Variants in DDAH1 observed in about 807,000 individuals in gnomAD.
DDAH1 encodes N(G),N(G)-dimethylarginine dimethylaminohydrolase 1.
DDAH1 carries 19 observed loss-of-function variants against 28.8 expected under a neutral mutation model. The observed-to-expected ratio is 0.66, with a 90% CI of 0.46 to 0.97. The LOEUF is 0.97. DDAH1 is among the 50% of genes least tolerant of loss of function. The pLI is 0.00. For missense variants in DDAH1, 326 were observed against 375.9 expected (o/e 0.87, Z 1.10); for synonymous variants, 153 against 154.4 (o/e 0.99, Z 0.07).
At chr1:85,575,448 C>T (rs1659575085) in intron 1 of DDAH1, among the ~76,000 whole-genome samples, 1 of 152,186 alleles carries the variant, frequency 6.6e-6, no homozygotes, top group Admixed American at 6.5e-5. Context: ...AGGTCCTAAA[C>T]ATCTTCCCCA....
upstream of DDAH1, chr1:85,465,245 C>G: frequency 9.2e-7 from 1 of 1,089,166 alleles, no homozygotes; most frequent in Non-Finnish European, 1.1e-6. Flanking sequence ...CCGCGCGCAT[C>G]CCGCGCGCCC....
intron 1 of DDAH1, among the ~76,000 whole-genome samples, chr1:85,376,464 A>G (rs1650671059): frequency 6.6e-6 from 1 of 152,178 alleles, no homozygotes; most frequent in Admixed American, 6.6e-5. Flanking sequence ...TTTAAATTCT[A>G]TATCCATCTT....
intron 1 of DDAH1, among the ~76,000 whole-genome samples, chr1:85,426,097 ATAACAGTG>A (rs1653383107): frequency 6.6e-6 from 1 of 152,188 alleles, no homozygotes; most frequent in South Asian, 2.1e-4. Context: ...CGTAACACTT[ATAACAGTG>A]TCACAAAATG....
intron 1 of DDAH1, among the ~76,000 whole-genome samples, chr1:85,443,361 G>C (rs1421079285): frequency 2.0e-5 from 3 of 152,002 alleles, no homozygotes; most frequent in Non-Finnish European, 2.9e-5. Flanking sequence ...ATTTCTGAGG[G>C]CTCTGTTCTG....
At chr1:85,494,014 C>G (rs1317895972) in intron 2 of DDAH1, 1 of 152,186 alleles carries the variant, frequency 6.6e-6, no homozygotes, top group African/African-American at 2.4e-5. Flanking sequence ...TTTTGGGATG[C>G]AACCAGGCTG....
intron 1 of DDAH1, among the ~76,000 whole-genome samples, chr1:85,431,863 C>G (rs1356844059): frequency 6.6e-6 from 1 of 152,166 alleles, no homozygotes; most frequent in Non-Finnish European, 1.5e-5. Flanking sequence ...ATTTCTCACA[C>G]ATGAAGTTGC....
intron 1 of DDAH1, among the ~76,000 whole-genome samples, chr1:85,382,086 A>G (rs1173166069): frequency 6.6e-6 from 1 of 152,218 alleles, no homozygotes; most frequent in Admixed American, 6.5e-5. Context: ...TATGAAGCTT[A>G]GTGAGGAAGG....
intron 4 of DDAH1, among the ~76,000 whole-genome samples, chr1:85,330,916 C>G (rs1005730787): frequency 1.3e-5 from 2 of 152,168 alleles, no homozygotes; most frequent in Non-Finnish European, 2.9e-5. Flanking sequence ...AGTATGCTAG[C>G]AGTAAAAAGA....
intron 4 of DDAH1, among the ~76,000 whole-genome samples, chr1:85,343,620 CTA>C (rs1491531471): frequency 6.6e-6 from 1 of 152,228 alleles, no homozygotes; most frequent in Admixed American, 6.5e-5. Context: ...TGGCTACACA[CTA>C]TAATTCCCTG....
rs7539133 is a variant in DDAH1 at position 85,557,873 on chromosome 1, C to T, written c.-123+20111G>A. On this transcript the variant is annotated intron_variant, in intron 1 of 6. Transcript: ENST00000426972. ...GTCACCTGCAAGCCAAGAAGAGAGG[C>T]CTCAGAAGAAACCAACTCTGCTGAT... 9.6e-3 allele frequency among the ~76,000 whole-genome samples: 1,451 copies of T among 151,542 alleles called. 47 individuals are homozygous for T. Among genetic ancestry groups the T allele is most frequent in the East Asian group, 0.056 (291 of 5,176 alleles).
At chr1:85,358,726 G>T in intron 2 of DDAH1, 22 bp downstream of exon 2, 3 of 1,477,122 alleles carry the variant, frequency 2.0e-6, no homozygotes, top group Non-Finnish European at 1.9e-6. Flanking sequence ...TTCTTGGATA[G>T]AAAAAATAAA....
chr1:85,550,870 C>T (rs933821462), intron 1 of DDAH1, among the ~76,000 whole-genome samples: 1 of 152,176 alleles, frequency 6.6e-6, no homozygotes, highest in African/African-American at 2.4e-5. Flanking sequence ...CAACAACTTG[C>T]TAGCACTGAC....
chr1:85,445,451 A>C (rs913598780), intron 1 of DDAH1, among the ~76,000 whole-genome samples: 1 of 152,222 alleles, frequency 6.6e-6, no homozygotes, highest in Non-Finnish European at 1.5e-5. Flanking sequence ...AAATCTTGAC[A>C]AATGTGAATC....
At chr1:85,496,711 C>G (rs1656607579) in intron 1 of DDAH1, among the ~76,000 whole-genome samples, 1 of 152,140 alleles carries the variant, frequency 6.6e-6, no homozygotes, top group Admixed American at 6.5e-5. Context: ...TGAATTATAT[C>G]TTGTATCCTA....
chr1:85,559,066 A>C (rs1308248275), intron 1 of DDAH1, among the ~76,000 whole-genome samples: 2 of 152,212 alleles, frequency 1.3e-5, no homozygotes, highest in African/African-American at 4.8e-5. Context: ...TCATTATTAA[A>C]AGAATTCATA....
chr1:85,348,294 G>A (rs935974610), intron 4 of DDAH1, among the ~76,000 whole-genome samples: 1 of 152,118 alleles, frequency 6.6e-6, no homozygotes, highest in Non-Finnish European at 1.5e-5. Context: ...AGGGCTTGGG[G>A]TTTTTTTCCT....
In DDAH1 at chr1:85,511,659, A is replaced by C. The variant is rs552455622; in HGVS notation, c.-122-15378T>G. Among the ~76,000 whole-genome samples the C allele has an allele frequency of 6.6e-5, 10 of 152,354 alleles. No individual in the cohort carries two copies. In the South Asian group the frequency reaches 1.5e-3, roughly 22 times the overall value. On this transcript the variant is annotated intron_variant, in intron 1 of 6. Coordinates refer to the DDAH1 transcript ENST00000426972. ...TCAATAGATGCAATAAAAAATGATA[A>C]AGGGGATATCACCACTGATCCCACA...
intron 1 of DDAH1, among the ~76,000 whole-genome samples, chr1:85,559,918 A>G (rs1467295773): frequency 6.6e-6 from 1 of 152,160 alleles, no homozygotes; most frequent in African/African-American, 2.4e-5. Context: ...AGTATAAATT[A>G]TGGTGAGAAA....
At chr1:85,481,098 G>A (rs56030754) in intron 2 of DDAH1, among the ~76,000 whole-genome samples, 1 of 113,460 alleles carries the variant, frequency 8.8e-6, no homozygotes, top group African/African-American at 3.2e-5. Flanking sequence ...TGGGTTTTTT[G>A]TTTTTTTTTT....
Sources: allele counts gnomAD v4.1 joint callset (sites outside exome capture counted in the v4.1 genomes callset), GRCh38; gene constraint gnomAD v4.1.1; transcripts MANE v1.5; gene names NCBI Gene and HGNC (gene_info 2026-07-23, HGNC 2026-07-21).